Variants in AGBL1 observed in about 807,000 individuals in gnomAD.
AGBL1 encodes cytosolic carboxypeptidase 4.
In AGBL1, 130 loss-of-function variants were observed where a neutral mutation model predicts 118.9. The observed-to-expected ratio is 1.09, with a 90% CI of 0.95 to 1.26. The LOEUF is 1.26. Ranked by LOEUF, AGBL1 falls within the 50% of genes most tolerant of loss-of-function variation. The pLI is 0.00. For missense variants in AGBL1, 1,584 were observed against 1,298.1 expected, an observed-to-expected ratio of 1.22 and a Z score of -3.38; for synonymous variants, 555 against 478.9, an observed-to-expected ratio of 1.16 and a Z score of -2.08.
Position 86,503,530 on chromosome 15 carries a change from T to C in AGBL1, c.2556-19280T>C, listed in dbSNP as rs1596197493. ...TATAAAAGGCTAGATTATTGATTTGTGATTGTTATGTTTTAAAATAATCTC... is the reference window on the plus strand; with the variant it reads ...TATAAAAGGCTAGATTATTGATTTGCGATTGTTATGTTTTAAAATAATCTC... On this transcript the variant is annotated intron_variant, in intron 18 of 22. Coordinates refer to ENST00000614907, the MANE Select transcript of AGBL1 (RefSeq NM_001386094.1). 3.3e-5 allele frequency among the ~76,000 whole-genome samples: 5 copies of C among 151,374 alleles called. No homozygotes were observed. In the South Asian group the frequency reaches 1.0e-3, roughly 31 times the overall value.
At chr15:86,559,361 G>C (rs916849091) in intron 21 of AGBL1, among the ~76,000 whole-genome samples, 2 of 152,166 alleles carry the variant, frequency 1.3e-5, no homozygotes, top group Non-Finnish European at 2.9e-5. Flanking sequence ...AAGAATTAGG[G>C]AAGGTTTTTA....
chr15:86,884,580 G>C (rs924125946), intron 22 of AGBL1, among the ~76,000 whole-genome samples: 2 of 152,220 alleles, frequency 1.3e-5, no homozygotes, highest in African/African-American at 4.8e-5. Flanking sequence ...GGGAGGCCGA[G>C]GCAGGCAGAT....
chr15:86,651,503 A>G (rs923713157), intron 21 of AGBL1, among the ~76,000 whole-genome samples: 2 of 152,198 alleles, frequency 1.3e-5, no homozygotes, highest in Non-Finnish European at 2.9e-5. Flanking sequence ...TTATAATTCC[A>G]GCACTGCTAC....
chr15:86,940,060 C>CTTTTTTT (rs5814267), intron 23 of AGBL1, among the ~76,000 whole-genome samples: 614 of 59,460 alleles, frequency 0.01, 22 homozygotes, highest in Non-Finnish European at 0.015. Context: ...TTTGGTAGTC[C>CTTTTTTT]TTTTTTTTTT....
intron 22 of AGBL1, among the ~76,000 whole-genome samples, chr15:86,766,038 G>C (rs2078092868): frequency 6.6e-6 from 1 of 151,938 alleles, no homozygotes; most frequent in Non-Finnish European, 1.5e-5. Context: ...TATTTACTGA[G>C]TGTTTACTAT....
At chr15:86,638,947 C>T (rs145326593) in intron 21 of AGBL1, among the ~76,000 whole-genome samples, 1 of 152,070 alleles carries the variant, frequency 6.6e-6, no homozygotes, top group African/African-American at 2.4e-5. Flanking sequence ...TCCGAGTTCT[C>T]TCCGTGCTGG....
At chr15:86,385,393 G>C (rs763665782) in intron 17 of AGBL1, among the ~76,000 whole-genome samples, 4 of 152,152 alleles carry the variant, frequency 2.6e-5, no homozygotes, top group Non-Finnish European at 4.4e-5. Context: ...GGCACCATCT[G>C]GGGGCTTGGT....
At chr15:86,988,032 C>T in exon 24 of AGBL1, 3 of 1,613,680 alleles carry the variant, frequency 1.9e-6, no homozygotes, top group Non-Finnish European at 2.5e-6. Flanking sequence ...GGTTTGCTTA[C>T]CACTTTTTTG....
intron 22 of AGBL1, among the ~76,000 whole-genome samples, chr15:86,896,878 T>G (rs1387640854): frequency 6.6e-6 from 1 of 151,782 alleles, no homozygotes; most frequent in African/African-American, 2.4e-5. Context: ...ACTCCCCATT[T>G]GTGAGATCTT....
At chr15:86,281,699 A>T (rs539287619) in intron 16 of AGBL1, among the ~76,000 whole-genome samples, 1 of 152,276 alleles carries the variant, frequency 6.6e-6, no homozygotes, top group African/African-American at 2.4e-5. Flanking sequence ...TCAGCCCTTG[A>T]GGTGTATTCC....
intron 23 of AGBL1, among the ~76,000 whole-genome samples, chr15:86,970,006 T>C (rs2081091100): frequency 6.6e-6 from 1 of 151,818 alleles, no homozygotes; most frequent in Non-Finnish European, 1.5e-5. Context: ...GGGTGGTAGG[T>C]CGTAGCTGCT....
At chr15:86,113,754 C>T (rs16948444) in intron 1 of AGBL1, among the ~76,000 whole-genome samples, 26,391 of 152,060 alleles carry the variant, frequency 0.17, 2,479 homozygotes, top group Middle Eastern at 0.25. Flanking sequence ...GCTCACTATG[C>T]GAAGTGAACA....
chr15:86,590,539 A>G (rs527988986), intron 21 of AGBL1, among the ~76,000 whole-genome samples: 4 of 152,290 alleles, frequency 2.6e-5, no homozygotes, highest in African/African-American at 9.6e-5. Context: ...TTTTCTTTAT[A>G]AATTACCCGG....
At chr15:86,728,790 G>A (rs1044254921) in intron 22 of AGBL1, among the ~76,000 whole-genome samples, 5 of 151,910 alleles carry the variant, frequency 3.3e-5, no homozygotes, top group African/African-American at 1.2e-4. Context: ...TTTACTTGCT[G>A]TAGCCTCTGG....
At chr15:86,478,052 C>T (rs1368813961) in intron 18 of AGBL1, among the ~76,000 whole-genome samples, 1 of 152,100 alleles carries the variant, frequency 6.6e-6, no homozygotes, top group Admixed American at 6.5e-5. Context: ...TAAAAACTCT[C>T]AATAAATTAG....
At chr15:86,362,059 A>T (rs79357130) in intron 17 of AGBL1, among the ~76,000 whole-genome samples, 3,078 of 152,158 alleles carry the variant, frequency 0.02, 102 homozygotes, top group African/African-American at 0.071. Flanking sequence ...TTTTTGGGAC[A>T]GTATGCTTTG....
At chr15:86,490,172 C>T (rs1753937772) in intron 18 of AGBL1, among the ~76,000 whole-genome samples, 1 of 152,040 alleles carries the variant, frequency 6.6e-6, no homozygotes, top group Non-Finnish European at 1.5e-5. Flanking sequence ...GTTATCTTTA[C>T]ACTTGAGAAG....
chr15:86,935,514 C>T (rs1438027262), intron 23 of AGBL1, among the ~76,000 whole-genome samples: 1 of 152,132 alleles, frequency 6.6e-6, no homozygotes, highest in Non-Finnish European at 1.5e-5. Context: ...CAGGGGCAAG[C>T]TGGGGCACAC....
chr15:86,252,660 A>T (rs2078835114), intron 7 of AGBL1, among the ~76,000 whole-genome samples: 1 of 152,172 alleles, frequency 6.6e-6, no homozygotes, highest in South Asian at 2.1e-4. Flanking sequence ...CATTTGAATG[A>T]GGCTAGGAGA....
Sources: allele counts gnomAD v4.1 joint callset (sites outside exome capture counted in the v4.1 genomes callset), GRCh38; gene constraint gnomAD v4.1.1; transcripts MANE v1.5; gene names NCBI Gene and HGNC (gene_info 2026-07-23, HGNC 2026-07-21).